Variants in PLCB4 observed in about 807,000 individuals in gnomAD.
PLCB4 encodes 1-phosphatidylinositol 4,5-bisphosphate phosphodiesterase beta-4.
In PLCB4, 77 loss-of-function variants were observed where a neutral mutation model predicts 178.8. That is an observed-to-expected ratio of 0.43 (90% confidence interval 0.36 to 0.52). The LOEUF is 0.52. Ranked by LOEUF, PLCB4 falls within the 20% of genes least tolerant of loss-of-function variation. The probability of loss-of-function intolerance (pLI) is 0.00; values close to 1 mark genes in which losing one functional copy is unlikely to be tolerated. For missense variants in PLCB4, 1,024 were observed against 1,453.4 expected, an observed-to-expected ratio of 0.70 and a Z score of 4.80; for synonymous variants, 496 against 490.8, an observed-to-expected ratio of 1.01 and a Z score of -0.14.
At chr20:9,226,691 A>C (rs1409772329) in intron 3 of PLCB4, among the ~76,000 whole-genome samples, 1 of 152,180 alleles carries the variant, frequency 6.6e-6, no homozygotes, top group Non-Finnish European at 1.5e-5. Flanking sequence ...CATGAGGCTC[A>C]GAACTAATTT....
chr20:9,117,443 C>T (rs964309), intron 2 of PLCB4, among the ~76,000 whole-genome samples: 1 of 152,024 alleles, frequency 6.6e-6, no homozygotes, highest in East Asian at 1.9e-4. Context: ...TGATGGAAAT[C>T]GCACCTGGAA....
At chr20:9,187,799 G>GTT (rs1397118081) in intron 2 of PLCB4, among the ~76,000 whole-genome samples, 8 of 152,192 alleles carry the variant, frequency 5.3e-5, no homozygotes, top group Non-Finnish European at 4.4e-5. Context: ...CTTCACATGA[G>GTT]TGAATTGTGA....
In PLCB4 at chr20:9,238,056, C is replaced by T. The variant is rs114187348; in HGVS notation, c.-16+20604C>T. Reference sequence around the variant, plus strand: ...CTGGCCTGGTTAGGGATAGGGACTGCGAAAGAAGGAAATGATTAACTTGGA... The same window carrying T: ...CTGGCCTGGTTAGGGATAGGGACTGTGAAAGAAGGAAATGATTAACTTGGA... On this transcript the variant is annotated intron_variant, in intron 3 of 39. Coordinates refer to ENST00000378473, the MANE Select transcript of PLCB4 (RefSeq NM_001377142.1). Among the ~76,000 whole-genome samples, 1,026 of 151,992 alleles carry T rather than the reference C, an allele frequency of 6.8e-3. 12 individuals carry two copies. The highest frequency in any genetic ancestry group is 0.023 in the African/African-American group (960 of 41,440).
chr20:9,126,893 C>A (rs139786917), intron 2 of PLCB4, among the ~76,000 whole-genome samples: 330 of 149,646 alleles, frequency 2.2e-3, no homozygotes, highest in Middle Eastern at 0.021. Context: ...TTTTTCTATT[C>A]CAGCAAAATA....
intron 2 of PLCB4, among the ~76,000 whole-genome samples, chr20:9,186,779 G>C (rs2093335106): frequency 6.6e-6 from 1 of 152,012 alleles, no homozygotes; most frequent in Admixed American, 6.6e-5. Flanking sequence ...TTCCCAGCCT[G>C]TTTATCTAAA....
At position 9,108,462 on chromosome 20, in the gene PLCB4, AGGGGCT is replaced by A. The variant is rs1228688773; in HGVS notation, c.-79+12122_-79+12127del. Among the ~76,000 whole-genome samples, 3 of 152,174 alleles carry A rather than the reference AGGGGCT, an allele frequency of 2.0e-5. No individual in the cohort carries two copies. The East Asian group carries it at 5.8e-4, about 30-fold the overall frequency. On this transcript the variant is annotated intron_variant, in intron 2 of 39. Transcript: ENST00000378473. Reference sequence around the variant, plus strand: ...GTTTCAAGGAGGGAGGATTAATCAGAGGGGCTGTCAAAGAAGATGAGGACTGAAATT... The same window carrying A: ...GTTTCAAGGAGGGAGGATTAATCAGAGTCAAAGAAGATGAGGACTGAAATT...
chr20:9,388,334 G>A (rs184128892), intron 15 of PLCB4, among the ~76,000 whole-genome samples: 1 of 152,334 alleles, frequency 6.6e-6, no homozygotes, highest in African/African-American at 2.4e-5. Flanking sequence ...CTGTCTGTCG[G>A]TTTGGTATAA....
chr20:9,198,931 T>C (rs1160478157), intron 2 of PLCB4, among the ~76,000 whole-genome samples: 1 of 152,160 alleles, frequency 6.6e-6, no homozygotes, highest in East Asian at 1.9e-4. Context: ...TAGAGGGCTA[T>C]TTTGACTCTC....
At chr20:9,174,847 G>A (rs1302537695) in intron 2 of PLCB4, among the ~76,000 whole-genome samples, 2 of 152,154 alleles carry the variant, frequency 1.3e-5, no homozygotes, top group African/African-American at 4.8e-5. Context: ...AAATACAGAA[G>A]CTACTTAGTA....
intron 19 of PLCB4, among the ~76,000 whole-genome samples, chr20:9,397,618 C>T (rs2038697111): frequency 6.6e-6 from 1 of 152,198 alleles, no homozygotes; most frequent in African/African-American, 2.4e-5. Context: ...AATAAAGACT[C>T]CTGACTGTGG....
intron 2 of PLCB4, among the ~76,000 whole-genome samples, chr20:9,131,637 A>G (rs997995626): frequency 4.6e-5 from 7 of 152,168 alleles, no homozygotes; most frequent in African/African-American, 1.7e-4. Context: ...TCGTAGTTCA[A>G]AAAGTCTGGG....
At chr20:9,348,995 T>G (rs191492517) in intron 7 of PLCB4, among the ~76,000 whole-genome samples, 11 of 151,388 alleles carry the variant, frequency 7.3e-5, no homozygotes, top group Non-Finnish European at 1.0e-4. Context: ...GCTAAAGGAA[T>G]GTTGCTCATG....
intron 3 of PLCB4, among the ~76,000 whole-genome samples, chr20:9,249,761 AG>A (rs1431039897): frequency 1.3e-5 from 2 of 152,200 alleles, no homozygotes; most frequent in Non-Finnish European, 2.9e-5. Flanking sequence ...ATAAGGTGTT[AG>A]GGAAACACTA....
intron 2 of PLCB4, among the ~76,000 whole-genome samples, chr20:9,114,635 G>T (rs1319072093): frequency 6.6e-6 from 1 of 152,136 alleles, no homozygotes; most frequent in Non-Finnish European, 1.5e-5. Context: ...ATCAGGGGAG[G>T]AAGACTATCA....
intron 4 of PLCB4, among the ~76,000 whole-genome samples, chr20:9,312,308 T>G (rs560562536): frequency 3.3e-5 from 5 of 151,172 alleles, no homozygotes; most frequent in South Asian, 2.1e-4. Context: ...CCTAGCAAAG[T>G]CTTGGTCTTC....
At chr20:9,215,411 C>T (rs188733991) in intron 2 of PLCB4, among the ~76,000 whole-genome samples, 9 of 152,228 alleles carry the variant, frequency 5.9e-5, no homozygotes, top group Admixed American at 2.0e-4. Flanking sequence ...TATTCAACTT[C>T]TTCATTCCCT....
chr20:9,352,213 A>G (rs756029489), intron 7 of PLCB4, among the ~76,000 whole-genome samples: 2 of 152,224 alleles, frequency 1.3e-5, no homozygotes, highest in Non-Finnish European at 2.9e-5. Flanking sequence ...GTGGACTTTC[A>G]GGCACTAAAG....
chr20:9,078,544 T>C, intron 1 of PLCB4, among the ~76,000 whole-genome samples: 1 of 151,872 alleles, frequency 6.6e-6, no homozygotes, highest in African/African-American at 2.4e-5. Context: ...GTATTTTTAG[T>C]AGAGATGGGG....
chr20:9,162,089 A>G (rs2092897999), intron 2 of PLCB4, among the ~76,000 whole-genome samples: 1 of 152,038 alleles, frequency 6.6e-6, no homozygotes, highest in Non-Finnish European at 1.5e-5. Flanking sequence ...TTTTAGTTTC[A>G]CGATTCATTA....
Sources: gnomAD v4.1 joint callset for allele counts (sites outside exome capture counted in the v4.1 genomes callset) on GRCh38, gnomAD v4.1.1 for gene constraint, MANE v1.5 for transcripts, NCBI Gene and HGNC (gene_info 2026-07-23, HGNC 2026-07-21) for gene names.